Variants in PAX5 observed in about 807,000 individuals in gnomAD.
PAX5 encodes the protein paired box 5.
PAX5 carries 9 observed loss-of-function variants against 43.7 expected under a neutral mutation model. The observed-to-expected ratio is 0.21, with a 90% CI of 0.12 to 0.36. The LOEUF (loss-of-function observed/expected upper bound fraction) is 0.36, where lower values mean the gene tolerates loss of function less well. PAX5 is among the 10% of genes least tolerant of loss of function. PAX5 has a pLI of 1.00. For synonymous variants in PAX5, 228 were observed against 214.3 expected (o/e 1.06, Z -0.56); for missense variants, 383 against 532.7 (o/e 0.72, Z 2.77).
chr9:36,966,108 A>G (rs1449825338), intron 6 of PAX5, among the ~76,000 whole-genome samples: 1 of 152,262 alleles, frequency 6.6e-6, no homozygotes, highest in Non-Finnish European at 1.5e-5. Context: ...GAGGGCAGAC[A>G]GTGGGATACC....
Position 36,981,407 on chromosome 9 carries a change from T to C in PAX5, c.605-14683A>G, listed in dbSNP as rs78012276. Among the ~76,000 whole-genome samples the C allele has an allele frequency of 5.6e-3, 750 of 134,666 alleles. 4 individuals are homozygous for C. The highest frequency in any genetic ancestry group is 0.019 in the African/African-American group (695 of 35,752). 88.3% of individuals were successfully genotyped at this position (134,666 alleles called of 152,430 possible). The stretch of plus-strand genomic sequence containing the variant: ...CACATAGCAGGCACACAATAAATAC[T>C]TGTAGAGTGAATTTCACTGAAACTG... On this transcript the variant is annotated intron_variant, in intron 5 of 9. Coordinates refer to ENST00000358127, the MANE Select transcript of PAX5 (RefSeq NM_016734.3).
At chr9:36,942,846 G>A (rs1563993200) in intron 6 of PAX5, among the ~76,000 whole-genome samples, 1 of 152,242 alleles carries the variant, frequency 6.6e-6, no homozygotes, top group African/African-American at 2.4e-5. Flanking sequence ...AAGAGAGTGA[G>A]CCCAGGAGGA....
chr9:36,998,577 G>A (rs1351919761), intron 5 of PAX5, among the ~76,000 whole-genome samples: 2 of 152,212 alleles, frequency 1.3e-5, no homozygotes, highest in African/African-American at 2.4e-5. Flanking sequence ...TACAGCAGCC[G>A]CTAGTCCTAT....
chr9:36,938,631 A>G (rs1831766360), intron 6 of PAX5, among the ~76,000 whole-genome samples: 1 of 152,216 alleles, frequency 6.6e-6, no homozygotes, highest in Non-Finnish European at 1.5e-5. Context: ...AAACCCTGGA[A>G]TATTTCATTT....
intron 8 of PAX5, among the ~76,000 whole-genome samples, chr9:36,873,881 A>G (rs1351644787): frequency 6.6e-6 from 1 of 152,216 alleles, no homozygotes; most frequent in Non-Finnish European, 1.5e-5. Flanking sequence ...TGCCTATGGA[A>G]CTGGGCAGTA....
intron 5 of PAX5, among the ~76,000 whole-genome samples, chr9:36,998,734 T>A (rs543921878): frequency 1.3e-5 from 2 of 152,258 alleles, no homozygotes; most frequent in African/African-American, 4.8e-5. Flanking sequence ...TAGGACTACA[T>A]CTAACTTTAA....
At chr9:36,996,909 G>A (rs548986811) in intron 5 of PAX5, among the ~76,000 whole-genome samples, 1 of 152,258 alleles carries the variant, frequency 6.6e-6, no homozygotes, top group South Asian at 2.1e-4. Context: ...GAGAGAGAGT[G>A]TGTGTGTGAG....
At chr9:36,963,022 C>T (rs886124750) in intron 6 of PAX5, among the ~76,000 whole-genome samples, 1 of 152,230 alleles carries the variant, frequency 6.6e-6, no homozygotes, top group Non-Finnish European at 1.5e-5. Context: ...GCCCCTTGCT[C>T]AGGCATCATT....
chr9:36,880,685 C>T (rs955070314), intron 8 of PAX5, among the ~76,000 whole-genome samples: 3 of 152,246 alleles, frequency 2.0e-5, no homozygotes, highest in African/African-American at 7.2e-5. Context: ...GCCTTAGCCT[C>T]CCGAATAGCT....
chr9:36,921,400 CCAGAGT>C (rs1830159700), intron 7 of PAX5, among the ~76,000 whole-genome samples: 2 of 152,186 alleles, frequency 1.3e-5, no homozygotes. Context: ...AGAGATGTGT[CCAGAGT>C]CAGACGGCAA....
At chr9:36,880,738 TTTTG>T (rs570908308) in intron 8 of PAX5, among the ~76,000 whole-genome samples, 47 of 152,292 alleles carry the variant, frequency 3.1e-4, no homozygotes, top group Middle Eastern at 3.4e-3. Flanking sequence ...AAGTTTTGTA[TTTTG>T]TTTGTTTGTT....
At chr9:36,901,598 T>A (rs1479311996) in intron 7 of PAX5, among the ~76,000 whole-genome samples, 3 of 152,060 alleles carry the variant, frequency 2.0e-5, no homozygotes, top group Non-Finnish European at 4.4e-5. Flanking sequence ...AAATGGCGTA[T>A]CAGAAAATGT....
chr9:36,919,707 G>A (rs1355853601), intron 7 of PAX5, among the ~76,000 whole-genome samples: 5 of 151,934 alleles, frequency 3.3e-5, no homozygotes, highest in African/African-American at 1.2e-4. Context: ...CAAGTGTGGT[G>A]GTGGGTGCCT....
chr9:36,882,145 C>A lies in PAX5; in HGVS notation c.911-40G>T, dbSNP rs749720390. ...CAACAAATCACAGGGTGAGCATCTTCGCGGCCAGCCGCTCATGTCCACAGC... is the reference window on the plus strand; with the variant it reads ...CAACAAATCACAGGGTGAGCATCTTAGCGGCCAGCCGCTCATGTCCACAGC... On this transcript the variant is annotated intron_variant, in intron 7 of 9. Transcript: ENST00000358127. This position sits in a 1 kb window ranked among gnomAD's most constrained non-coding sequence, Gnocchi z 4.4. 6 of 1,480,204 alleles carry A rather than the reference C, an allele frequency of 4.1e-6. No homozygotes were observed. In the South Asian group the frequency reaches 7.7e-5, roughly 19 times the overall value. The allele number at this position is 1,480,204 out of a possible 1,614,324, so 91.7% of individuals were successfully genotyped here. A position where few individuals can be genotyped will look rare whatever the true frequency, so the allele number is the denominator to read the frequency against.
At chr9:37,033,627 C>CAG (rs1841223069) in intron 1 of PAX5, among the ~76,000 whole-genome samples, 1 of 149,426 alleles carries the variant, frequency 6.7e-6, no homozygotes, top group Non-Finnish European at 1.5e-5. Flanking sequence ...CACACACACA[C>CAG]AGGCAAACAA....
Position 36,958,519 on chromosome 9 carries a change from G to A in PAX5, c.780+8030C>T, listed in dbSNP as rs117199535. On this transcript the variant is annotated intron_variant, in intron 6 of 9. Coordinates refer to ENST00000358127, the MANE Select transcript of PAX5 (RefSeq NM_016734.3). ...GAGCAGAAGGGAAAGGAGAGAAGCCGTGCATGATGGGGCCACACTTTTTGG... is the reference window on the plus strand; with the variant it reads ...GAGCAGAAGGGAAAGGAGAGAAGCCATGCATGATGGGGCCACACTTTTTGG... 5.3e-5 allele frequency among the ~76,000 whole-genome samples: 8 copies of A among 152,244 alleles called. No individual in the cohort carries two copies. The East Asian group carries it at 1.2e-3, about 22-fold the overall frequency.
chr9:37,004,368 C>A (rs1322440944), intron 4 of PAX5, among the ~76,000 whole-genome samples: 3 of 152,210 alleles, frequency 2.0e-5, no homozygotes, highest in African/African-American at 7.2e-5. Flanking sequence ...TTCATTAAAA[C>A]CTACAGACCA....
At chr9:36,900,330 G>A (rs1043920129) in intron 7 of PAX5, among the ~76,000 whole-genome samples, 24 of 152,176 alleles carry the variant, frequency 1.6e-4, no homozygotes, top group African/African-American at 3.6e-4. Context: ...GGTGACATCC[G>A]GTGTCCAGCG....
rs555988324 is a variant in PAX5, at chr9:36,880,435, G to T, written c.1012+1569C>A. On this transcript the variant is annotated intron_variant, in intron 8 of 9. Transcript: ENST00000358127. The stretch of plus-strand genomic sequence containing the variant: ...ACTCCAGCATGAGCTAGAAAGAGGG[G>T]TGTGGTTATGTCCGTTTGGCCCTGC... Among the ~76,000 whole-genome samples the T allele has an allele frequency of 2.0e-5, 3 of 152,378 alleles. No homozygotes were observed. The South Asian group carries it at 6.2e-4, about 32-fold the overall frequency.
Sources: gnomAD v4.1 joint callset for allele counts (sites outside exome capture counted in the v4.1 genomes callset) on GRCh38, gnomAD v4.1.1 for gene constraint, Gnocchi (gnomAD v3.1) non-coding constraint, MANE v1.5 for transcripts, NCBI Gene and HGNC (gene_info 2026-07-23, HGNC 2026-07-21) for gene names.